The following POLE variants were observed in gnomAD, a reference collection of about 807,000 sequenced individuals.
The protein encoded by POLE is DNA polymerase epsilon, catalytic subunit.
A neutral mutation model predicts 279.2 loss-of-function variants in POLE; 188 were observed. The ratio of observed to expected loss-of-function variants is 0.67; its 90% CI spans 0.60 to 0.76. The LOEUF is 0.76. Ranked by LOEUF, POLE falls within the 30% of genes least tolerant of loss-of-function variation. The pLI, the probability that POLE is intolerant of heterozygous loss-of-function variation, is 0.00. For missense variants in POLE, 2,703 were observed against 3,016.7 expected (o/e 0.90, Z 2.44); for synonymous variants, 1,214 against 1,172.5 (o/e 1.04, Z -0.72).
At chr12:132,636,945 T>C (rs955628094) in intron 41 of POLE, among the ~76,000 whole-genome samples, 1 of 152,220 alleles carries the variant, frequency 6.6e-6, no homozygotes, top group Non-Finnish European at 1.5e-5. Flanking sequence ...TTTCTCGACA[T>C]GAGCAACCCC....
In POLE at chr12:132,668,324, C is replaced by G. The variant is rs778105934; in HGVS notation, c.2173+32G>C. The G allele has an allele frequency of 2.6e-6, 4 of 1,523,210 alleles. No homozygotes were observed. In the East Asian group the frequency reaches 9.3e-5, roughly 35 times the overall value. 94.4% of individuals were successfully genotyped at this position (1,523,210 alleles called of 1,614,324 possible). ...CAGAAAGTGGGAGCAGGAGCCACAT[C>G]TTTACAGCCGTGACCATGCCCAGGC... On this transcript the variant is annotated intron_variant, in intron 19 of 48. Transcript: ENST00000320574. This position sits in a 1 kb window ranked among gnomAD's most constrained non-coding sequence, Gnocchi z 4.0.
rs139607077 is a variant in POLE at position 132,626,243 on chromosome 12, G to A, written c.6405C>T (p.Val2135=). The part of the protein sequence containing the change: ...LNRDLLRLVD[V]GEFSEEAQFR... ...ACTGGGCCTCCTCGGAGAACTCGCC[G>A]ACATCCACCAGGCGAAGCAGGTCTC... The change falls in exon 46 of 49, where the codon GTC becomes GTT. Residue 2135 remains valine (V), a synonymous_variant. Coordinates refer to ENST00000320574, the MANE Select transcript of POLE (RefSeq NM_006231.4). 47 of 1,613,896 alleles carry A rather than the reference G, an allele frequency of 2.9e-5. No individual in the cohort carries two copies. The highest frequency in any genetic ancestry group is 2.3e-4 in the African/African-American group (17 of 75,066).
At position 132,632,501 on chromosome 12, in the gene POLE, G is replaced by A. The variant is rs761134391; in HGVS notation, c.6144C>T (p.Ile2048=). 2.5e-6 allele frequency: 4 copies of A among 1,613,918 alleles called. No homozygotes were observed. The South Asian group carries it at 4.4e-5, about 18-fold the overall frequency. Residue 2048 remains isoleucine, a synonymous_variant, in exon 45 of 49, where the codon ATC becomes ATT. Coordinates refer to ENST00000320574, the MANE Select transcript of POLE (RefSeq NM_006231.4). ...TTGCGACATAATCCTGAGAGAAGGTGATCATTCCTGGAAGTATAAGGATGC... is the reference window on the plus strand; with the variant it reads ...TTGCGACATAATCCTGAGAGAAGGTAATCATTCCTGGAAGTATAAGGATGC... The part of the protein sequence containing the change: ...EGAVGALPGM[I]TFSQDYVANE...
intron 29 of POLE, among the ~76,000 whole-genome samples, chr12:132,652,193 T>C (rs2042436460): frequency 6.6e-6 from 1 of 152,158 alleles, no homozygotes; most frequent in Admixed American, 6.5e-5. Flanking sequence ...CTACACAAGA[T>C]TTAACTTTTA....
chr12:132,681,502 C>T lies in POLE; in HGVS notation c.63-223G>A, dbSNP rs5744731. Among the ~76,000 whole-genome samples the T allele has an allele frequency of 0.47, 70,797 of 151,760 alleles. 17,738 individuals are homozygous for T. The highest frequency in any genetic ancestry group is 0.56 in the Non-Finnish European group (38,385 of 67,950). ...GGGACCACAGGCGACAGCCACCACG[C>T]CTGGCTAATTTTTTGTATTTTTAGT... On this transcript the variant is annotated intron_variant, in intron 1 of 48. Coordinates refer to ENST00000320574, the MANE Select transcript of POLE (RefSeq NM_006231.4).
chr12:132,640,160 CT>C (rs956536768), intron 39 of POLE, among the ~76,000 whole-genome samples: 3 of 152,224 alleles, frequency 2.0e-5, no homozygotes, highest in Non-Finnish European at 4.4e-5. Context: ...CCTCACACGC[CT>C]AGCTGCCCTG....
rs2136027934 is a variant in POLE, at chr12:132,679,670, A to G, written c.424-19T>C. ...GATTTGGCTATAATGCGAAGAGATC[A>G]CGCTCATTGGTTCAAGAGAAATAGG... On this transcript the variant is annotated intron_variant, in intron 5 of 48. Coordinates refer to ENST00000320574, the MANE Select transcript of POLE (RefSeq NM_006231.4). The G allele has an allele frequency of 1.9e-6, 3 of 1,599,494 alleles. No homozygotes were observed. The highest frequency in any genetic ancestry group is 2.6e-6 in the Non-Finnish European group (3 of 1,167,806).
rs775857064 is a variant in POLE, at chr12:132,648,923, C to T, written c.4149+6G>A. The T allele has an allele frequency of 2.5e-6, 4 of 1,610,004 alleles. No homozygotes were observed. The highest frequency in any genetic ancestry group is 1.7e-4 in the Middle Eastern group (1 of 6,042). On this transcript the variant is annotated splice_donor_region_variant and intron_variant, in intron 32 of 48. Coordinates refer to ENST00000320574, the MANE Select transcript of POLE (RefSeq NM_006231.4). ...GACTGCAGAGGCAGCACCAGCTCCT[C>T]CCTACCTTGCGATACGAAGCACCCT...
At chr12:132,635,463 T>C (rs1387726939) in intron 42 of POLE, among the ~76,000 whole-genome samples, 1 of 152,116 alleles carries the variant, frequency 6.6e-6, no homozygotes, top group Non-Finnish European at 1.5e-5. Context: ...GAAGCTCCCA[T>C]CCCCACGAAA....
intron 37 of POLE, 27 bp from the exon 38 acceptor site, chr12:132,642,424 G>A: frequency 1.3e-6 from 2 of 1,592,892 alleles, no homozygotes; most frequent in East Asian, 2.2e-5. Context: ...GTCAGCACCG[G>A]GGCACATCGC....
In POLE at chr12:132,664,963, G is replaced by GT. The variant is rs1305295824; in HGVS notation, c.2468+338dup. On this transcript the variant is annotated intron_variant, in intron 21 of 48. Coordinates refer to ENST00000320574, the MANE Select transcript of POLE (RefSeq NM_006231.4). The surrounding 1 kb of genome is among the most constrained non-coding windows in gnomAD (Gnocchi z 5.3). ...CCCCTCCCGGACACGCAGACATGCT[G>GT]TGAAGCAACTGCCCGACACTCTGCA... is the stretch of plus-strand genomic sequence containing the variant. Among the ~76,000 whole-genome samples the GT allele has an allele frequency of 6.6e-6, 1 of 150,522 alleles. No homozygotes were observed. Among genetic ancestry groups the GT allele is most frequent in the Non-Finnish European group, 1.5e-5 (1 of 67,844 alleles).
chr12:132,672,430 CGGA>C, intron 15 of POLE, 108 bp from the exon 16 acceptor site: 1 of 1,137,790 alleles, frequency 8.8e-7, no homozygotes, highest in South Asian at 1.3e-5. Flanking sequence ...GAGAAAGCTC[CGGA>C]AGGACTCATG....
intron 45 of POLE, among the ~76,000 whole-genome samples, chr12:132,630,892 G>A (rs5745050): frequency 8.5e-5 from 13 of 152,156 alleles, no homozygotes; most frequent in Admixed American, 6.5e-4. Context: ...ACCCTGACAC[G>A]GTGCAGCCAC....
chr12:132,662,811 C>G (rs1334472694), intron 23 of POLE, among the ~76,000 whole-genome samples: 3 of 152,158 alleles, frequency 2.0e-5, no homozygotes, highest in Non-Finnish European at 4.4e-5. Context: ...AAGGGGAACA[C>G]GTGGAGCAGG....
chr12:132,683,154 A>T (rs1745887130), intron 1 of POLE, among the ~76,000 whole-genome samples: 1 of 152,114 alleles, frequency 6.6e-6, no homozygotes, highest in African/African-American at 2.4e-5. Context: ...CCCACATCCT[A>T]ATCCCCCAAA....
chr12:132,683,793 G>A (rs551983724), intron 1 of POLE, among the ~76,000 whole-genome samples: 14 of 152,354 alleles, frequency 9.2e-5, no homozygotes, highest in African/African-American at 3.1e-4. Context: ...ACTGCTCACT[G>A]GGACCATATT....
intron 15 of POLE, 87 bp downstream of exon 15, chr12:132,672,540 A>G (rs767068378): frequency 1.5e-6 from 2 of 1,376,154 alleles, no homozygotes; most frequent in Non-Finnish European, 2.0e-6. Flanking sequence ...GGATGGGGAG[A>G]AGGGGCTTTA....
In POLE at chr12:132,639,109, G is replaced by A. The variant is rs2042089518; in HGVS notation, c.5552+16C>T. The A allele has an allele frequency of 1.2e-5, 20 of 1,613,024 alleles. No homozygotes were observed. Among genetic ancestry groups the A allele is most frequent in the Non-Finnish European group, 1.7e-5 (20 of 1,179,114 alleles). ...CTGAGGACGCGGTGGACAGCCCAGG[G>A]AGGAGGAGCACTCACTGCAGGAAGA... On this transcript the variant is annotated intron_variant, in intron 40 of 48. Coordinates refer to ENST00000320574, the MANE Select transcript of POLE (RefSeq NM_006231.4). The surrounding 1 kb of genome is among the most constrained non-coding windows in gnomAD (Gnocchi z 4.7).
rs1298505088 is a variant in POLE at position 132,660,973 on chromosome 12, C to A, written c.3056G>T (p.Ser1019Ile). Residue 1019 changes from serine to isoleucine, a missense_variant, in exon 25 of 49, where the codon AGC (serine) becomes ATC (isoleucine). This residue lies in a region of POLE where 1,551 missense variants were observed against 1,686.1 expected (regional missense o/e 0.92). Transcript: ENST00000320574. ...GGGTGGAGGGTAGGCCTTTACCTTG[C>A]TGTACAGCACGTCCAGCCAGTAGTC... ...VADYWLDVLY[S>I]KAANMPDSEL... 3 of 1,606,770 alleles carry A rather than the reference C, an allele frequency of 1.9e-6. No individual in the cohort carries two copies. Among genetic ancestry groups the A allele is most frequent in the Non-Finnish European group, 2.6e-6 (3 of 1,176,380 alleles).
Sources: allele counts gnomAD v4.1 joint callset (sites outside exome capture counted in the v4.1 genomes callset), GRCh38; gene constraint gnomAD v4.1.1; regional missense constraint gnomAD v4.1.1; non-coding constraint Gnocchi (gnomAD v3.1); transcripts MANE v1.5; gene names NCBI Gene and HGNC (gene_info 2026-07-23, HGNC 2026-07-21).